The following ATG14 variants were observed in gnomAD, a reference collection of about 807,000 sequenced individuals.
ATG14 encodes the protein autophagy related 14, also known as beclin 1-associated autophagy-related key regulator.
A neutral mutation model predicts 60.4 loss-of-function variants in ATG14; 35 were observed. The ratio of observed to expected loss-of-function variants is 0.58; its 90% CI spans 0.44 to 0.77. ATG14 has a LOEUF of 0.77. ATG14 is among the 30% of genes least tolerant of loss of function. The pLI is 0.00. For missense variants in ATG14, 647 were observed against 626.3 expected (o/e 1.03, Z -0.35); for synonymous variants, 234 against 228.8 (o/e 1.02, Z -0.21).
chr14:55,368,566 T>A lies in ATG14; in HGVS notation c.*1053A>T, dbSNP rs1302939137. On this transcript the variant is annotated 3_prime_UTR_variant, in exon 10 of 10. Transcript: ENST00000247178. ...GTGCTTTCCCCAGAACAGAGCAGAG[T>A]AGCATCAGCCGTAAGGATCTGCGCT... is the stretch of plus-strand genomic sequence containing the variant. 2 of 152,096 alleles carry A rather than the reference T, an allele frequency of 1.3e-5. No homozygotes were observed. The highest frequency in any genetic ancestry group is 6.6e-5 in the Admixed American group (1 of 15,262). 9.4% of individuals were successfully genotyped at this position (152,096 alleles called of 1,614,324 possible).
At position 55,382,166 on chromosome 14, in the gene ATG14, T is replaced by A; in HGVS notation, c.673A>T (p.Ser225Cys). The change falls in exon 6 of 10, where the codon AGT (serine) becomes TGT (cysteine). Residue 225 changes from serine (S) to cysteine (C), a missense_variant. Physicochemically the swap from Ser to Cys is moderately radical, Grantham distance 112. Coordinates refer to ENST00000247178, the MANE Select transcript of ATG14 (RefSeq NM_014924.5). ...GTGCTGGAGGTCATGGCACTGTCAC[T>A]CTCTGAAGACACATCTGCGGGGTCT... is the stretch of plus-strand genomic sequence containing the variant. ...VRDPADVSSE[S>C]DSAMTSSTVS... The A allele has an allele frequency of 6.2e-7, 1 of 1,614,132 alleles. No homozygotes were observed. Among genetic ancestry groups the A allele is most frequent in the Non-Finnish European group, 8.5e-7 (1 of 1,180,030 alleles).
chr14:55,390,763 C>T (rs1885200906), intron 4 of ATG14, 148 bp downstream of exon 4: 7 of 604,652 alleles, frequency 1.2e-5, no homozygotes, highest in Middle Eastern at 2.6e-4. Flanking sequence ...AAATGTTTTA[C>T]AAGGAAAGAT....
At chr14:55,380,450 T>C (rs1309520983) in intron 7 of ATG14, 123 bp downstream of exon 7, 1 of 654,982 alleles carries the variant, frequency 1.5e-6, no homozygotes, top group Non-Finnish European at 2.7e-6. Context: ...AATATTTCAA[T>C]CCGACCTTCT....
At chr14:55,380,514 CA>C in intron 7 of ATG14, 58 bp downstream of exon 7, 1 of 1,165,738 alleles carries the variant, frequency 8.6e-7, no homozygotes. Context: ...TAAATAAAGA[CA>C]AAATAGAAAC....
At chr14:55,403,030 G>A (rs1182127267) in intron 1 of ATG14, among the ~76,000 whole-genome samples, 4 of 136,318 alleles carry the variant, frequency 2.9e-5, no homozygotes, top group Non-Finnish European at 6.2e-5. Context: ...TCAGGTAGGA[G>A]GATCATTTGA....
At chr14:55,373,711 A>C (rs1884865844) in intron 9 of ATG14, among the ~76,000 whole-genome samples, 1 of 151,856 alleles carries the variant, frequency 6.6e-6, no homozygotes, top group African/African-American at 2.4e-5. Flanking sequence ...CGCCCACCTC[A>C]GCCTCCCAAA....
intron 1 of ATG14, 51 bp downstream of exon 1, chr14:55,411,551 G>A: frequency 1.3e-6 from 2 of 1,537,120 alleles, no homozygotes; most frequent in Non-Finnish European, 1.8e-6. Context: ...CGGCTGCCTG[G>A]CTGGAGGACA....
chr14:55,371,231 A>G (rs943252005), intron 9 of ATG14, among the ~76,000 whole-genome samples: 1 of 152,210 alleles, frequency 6.6e-6, no homozygotes, highest in African/African-American at 2.4e-5. Flanking sequence ...AGAATCGTAT[A>G]GCTTGCCATT....
rs766570685 is a variant in ATG14, at chr14:55,369,618, G to A, written c.*1C>T. The stretch of plus-strand genomic sequence containing the variant: ...ATTTGGTATGTTTTGGTCCATGCTC[G>A]TTAACGGTGTCCAGTGTAAGCTTTA... On this transcript the variant is annotated 3_prime_UTR_variant, in exon 10 of 10. Coordinates refer to ENST00000247178, the MANE Select transcript of ATG14 (RefSeq NM_014924.5). 1.1e-5 allele frequency: 16 copies of A among 1,510,788 alleles called. No individual in the cohort carries two copies. The highest frequency in any genetic ancestry group is 2.8e-5 in the African/African-American group (2 of 71,814). The allele number at this position is 1,510,788 out of a possible 1,614,324, so 93.6% of individuals were successfully genotyped here. A position where few individuals can be genotyped will look rare whatever the true frequency, so the allele number is the denominator to read the frequency against.
intron 9 of ATG14, among the ~76,000 whole-genome samples, chr14:55,373,944 A>G (rs571988877): frequency 8.5e-5 from 13 of 152,212 alleles, no homozygotes; most frequent in African/African-American, 3.1e-4. Flanking sequence ...TGAAAAGGGG[A>G]CTCCTGAAGT....
At chr14:55,378,946 G>T (rs1379905295) in intron 7 of ATG14, among the ~76,000 whole-genome samples, 1 of 152,002 alleles carries the variant, frequency 6.6e-6, no homozygotes, top group Admixed American at 6.6e-5. Context: ...GAGCTCAAGT[G>T]ATCCTCCTGC....
In ATG14 at chr14:55,407,850, G is replaced by A. The variant is rs532098779; in HGVS notation, c.221+3752C>T. On this transcript the variant is annotated intron_variant, in intron 1 of 9. Transcript: ENST00000247178. ...GAAGGAGGTCAGGAAAGGCCTCACC[G>A]AAGAAGTGGCCTTTAAGTTGAATGG... Among the ~76,000 whole-genome samples the A allele has an allele frequency of 3.0e-4, 46 of 152,226 alleles. 1 individual carries two copies. In the East Asian group the frequency reaches 8.1e-3, roughly 27 times the overall value.
In ATG14 at chr14:55,382,131, C is replaced by T. The variant is rs1885046023; in HGVS notation, c.708G>A (p.Lys236=). The T allele has an allele frequency of 1.2e-6, 2 of 1,613,998 alleles. No individual in the cohort carries two copies. The highest frequency in any genetic ancestry group is 2.2e-5 in the East Asian group (1 of 44,894). ...DSAMTSSTVS[K]LAEARRTTYL... Reference sequence around the variant, plus strand: ...AAGTTGTCCTCCGGGCTTCAGCAAGCTTGCTCACAGTGCTGGAGGTCATGG... The same window carrying T: ...AAGTTGTCCTCCGGGCTTCAGCAAGTTTGCTCACAGTGCTGGAGGTCATGG... The change falls in exon 6 of 10, where the codon AAG becomes AAA. Residue 236 remains lysine (K), a synonymous_variant. Coordinates refer to ENST00000247178, the MANE Select transcript of ATG14 (RefSeq NM_014924.5).
At chr14:55,391,345 G>A (rs1885212916) in intron 3 of ATG14, 4 of 171,532 alleles carry the variant, frequency 2.3e-5, no homozygotes, top group African/African-American at 4.8e-5. Context: ...GCGTGGTGGC[G>A]CATGCCTGTA....
chr14:55,404,875 C>T (rs1312737816), intron 1 of ATG14, among the ~76,000 whole-genome samples: 1 of 152,106 alleles, frequency 6.6e-6, no homozygotes, highest in Admixed American at 6.6e-5. Flanking sequence ...CCACAACACC[C>T]CTGAGACTCA....
intron 9 of ATG14, among the ~76,000 whole-genome samples, chr14:55,376,055 A>G (rs1241427803): frequency 6.6e-6 from 1 of 152,138 alleles, no homozygotes; most frequent in African/African-American, 2.4e-5. Context: ...TTAATCTGTT[A>G]ATGTGATGAA....
chr14:55,392,469 G>A (rs530017351), intron 3 of ATG14, among the ~76,000 whole-genome samples: 6 of 151,950 alleles, frequency 3.9e-5, no homozygotes, highest in Non-Finnish European at 5.9e-5. Flanking sequence ...GCAACATGGC[G>A]AAACCCCATC....
rs139037824 is a variant in ATG14 at position 55,367,317 on chromosome 14, C to T, written c.*2302G>A. ...AGTAGCTAGACAACTCTTACAAGAT[C>T]GTTAAGTTTATTTATCTGTTCAAGT... On this transcript the variant is annotated 3_prime_UTR_variant, in exon 10 of 10. Transcript: ENST00000247178. The T allele has an allele frequency of 6.6e-6, 1 of 152,164 alleles. No individual in the cohort carries two copies. Among genetic ancestry groups the T allele is most frequent in the South Asian group, 2.1e-4 (1 of 4,826 alleles). 9.4% of individuals were successfully genotyped at this position (152,164 alleles called of 1,614,324 possible).
At chr14:55,379,955 A>G (rs776902716) in intron 7 of ATG14, among the ~76,000 whole-genome samples, 9 of 152,222 alleles carry the variant, frequency 5.9e-5, no homozygotes, top group Admixed American at 1.3e-4. Flanking sequence ...ACAACAAACA[A>G]AAAGAATTCA....
Sources: allele counts gnomAD v4.1 joint callset (sites outside exome capture counted in the v4.1 genomes callset), GRCh38; gene constraint gnomAD v4.1.1; transcripts MANE v1.5; gene names NCBI Gene and HGNC (gene_info 2026-07-23, HGNC 2026-07-21).